The following CLASP2 variants were observed in gnomAD, a reference collection of about 807,000 sequenced individuals.
CLASP2 encodes the protein CLIP-associating protein 2.
CLASP2 carries 47 observed loss-of-function variants against 194.4 expected under a neutral mutation model. That is an observed-to-expected ratio of 0.24 (90% CI 0.19 to 0.31). The LOEUF is 0.31. Ranked by LOEUF, CLASP2 falls within the 10% of genes least tolerant of loss-of-function variation. The pLI is 1.00. For missense variants in CLASP2, 1,445 were observed against 1,823.6 expected (o/e 0.79, Z 3.78); for synonymous variants, 619 against 633.5 (o/e 0.98, Z 0.34).
At chr3:33,548,811 A>T (rs1463327454) in intron 30 of CLASP2, among the ~76,000 whole-genome samples, 1 of 127,592 alleles carries the variant, frequency 7.8e-6, no homozygotes, top group Non-Finnish European at 1.5e-5. Flanking sequence ...ACTATCATCC[A>T]GGCTGGAGTA....
chr3:33,599,004 G>A (rs1253702036), intron 18 of CLASP2, among the ~76,000 whole-genome samples: 1 of 152,086 alleles, frequency 6.6e-6, no homozygotes, highest in Non-Finnish European at 1.5e-5. Flanking sequence ...GCTTTAAGAA[G>A]GAATGCTCTG....
At chr3:33,551,448 C>T in intron 29 of CLASP2, 53 bp from the exon 30 acceptor site, 1 of 1,521,482 alleles carries the variant, frequency 6.6e-7, no homozygotes. Context: ...TTGTGAGACA[C>T]TAGAGAACAT....
In CLASP2 at chr3:33,695,063, GT is replaced by G. The variant is rs373103110; in HGVS notation, c.274+1791del. Among the ~76,000 whole-genome samples, 1,089 of 140,232 alleles carry G rather than the reference GT, an allele frequency of 7.8e-3. 5 individuals are homozygous for G. The highest frequency in any genetic ancestry group is 0.014 in the African/African-American group (531 of 38,458). 92.0% of individuals were successfully genotyped at this position (140,232 alleles called of 152,430 possible). A position where few individuals can be genotyped will look rare whatever the true frequency, so the allele number is the denominator to read the frequency against. On this transcript the variant is annotated intron_variant, in intron 2 of 38. Coordinates refer to ENST00000682230, the MANE Select transcript of CLASP2 (RefSeq NM_001365631.1). ...AGAGCAGTTTTCAATATCTACTATA[GT>G]TTTTTTTTTTTTTTTAAAGAGATAG...
chr3:33,613,658 C>G (rs1011730863), intron 12 of CLASP2, among the ~76,000 whole-genome samples: 2 of 152,204 alleles, frequency 1.3e-5, no homozygotes, highest in Non-Finnish European at 2.9e-5. Flanking sequence ...GCTGACATGC[C>G]TGTTAGTCAA....
At chr3:33,579,577 G>A (rs568177948) in intron 23 of CLASP2, among the ~76,000 whole-genome samples, 1 of 152,254 alleles carries the variant, frequency 6.6e-6, no homozygotes, top group East Asian at 1.9e-4. Flanking sequence ...GAGTTTCAGG[G>A]GGAAGAGGTA....
intron 7 of CLASP2, among the ~76,000 whole-genome samples, chr3:33,652,378 A>G (rs1162497931): frequency 1.3e-5 from 2 of 152,180 alleles, no homozygotes; most frequent in African/African-American, 4.8e-5. Context: ...TAATCCCTAT[A>G]AACTATTATA....
At chr3:33,503,175 G>A (rs1348037789) in intron 37 of CLASP2, 1 of 152,116 alleles carries the variant, frequency 6.6e-6, no homozygotes, top group African/African-American at 2.4e-5. Flanking sequence ...GCAGAATGAG[G>A]TATTATGGGC....
At position 33,696,818 on chromosome 3, in the gene CLASP2, T is replaced by C. The variant is rs763733264; in HGVS notation, c.274+37A>G. 6.9e-6 allele frequency: 9 copies of C among 1,298,078 alleles called. No homozygotes were observed. In the Admixed American group the frequency reaches 1.2e-4, roughly 18 times the overall value. 80.4% of individuals were successfully genotyped at this position (1,298,078 alleles called of 1,614,324 possible). ...TAACGAAAAAAGTCATCATGTCAAA[T>C]CTTATTTAGAATTGTAAATAAACAA... On this transcript the variant is annotated intron_variant, in intron 2 of 38. Coordinates refer to ENST00000682230, the MANE Select transcript of CLASP2 (RefSeq NM_001365631.1).
intron 10 of CLASP2, among the ~76,000 whole-genome samples, chr3:33,623,455 A>G (rs2077452400): frequency 1.3e-5 from 2 of 151,388 alleles, no homozygotes; most frequent in South Asian, 2.1e-4. Context: ...CATGGTAACC[A>G]TTATTCTACT....
At chr3:33,656,153 A>C (rs138682413) in intron 7 of CLASP2, among the ~76,000 whole-genome samples, 1 of 152,326 alleles carries the variant, frequency 6.6e-6, no homozygotes, top group East Asian at 1.9e-4. Context: ...CCCTCAATTC[A>C]TAAGTGAAAG....
intron 1 of CLASP2, among the ~76,000 whole-genome samples, chr3:33,717,429 A>T (rs577055198): frequency 1.3e-5 from 2 of 151,476 alleles, no homozygotes; most frequent in African/African-American, 4.8e-5. Context: ...ATTTTTATTT[A>T]TTTTTTACTT....
rs985741957 is a variant in CLASP2, at chr3:33,718,024, T to C, written c.-22A>G. Reference sequence around the variant, plus strand: ...CCATGGCTGCGGCCGCCCGCCCGCCTGCCAGTCTGTGAGCGGCCAACTTTC... The same window carrying C: ...CCATGGCTGCGGCCGCCCGCCCGCCCGCCAGTCTGTGAGCGGCCAACTTTC... On this transcript the variant is annotated 5_prime_UTR_variant, in exon 1 of 39. Coordinates refer to ENST00000682230, the MANE Select transcript of CLASP2 (RefSeq NM_001365631.1). The C allele has an allele frequency of 4.1e-6, 6 of 1,459,134 alleles. No individual in the cohort carries two copies. The highest frequency in any genetic ancestry group is 2.9e-5 in the African/African-American group (2 of 68,684). The allele number at this position is 1,459,134 out of a possible 1,614,324, so 90.4% of individuals were successfully genotyped here.
rs1577048022 is a variant in CLASP2 at position 33,602,319 on chromosome 3, G to A, written c.1924+633C>T. 14 of 528,082 alleles carry A rather than the reference G, an allele frequency of 2.7e-5. No individual in the cohort carries two copies. In the East Asian group the frequency reaches 4.4e-4, roughly 16 times the overall value. The allele number at this position is 528,082 out of a possible 1,614,324, so 32.7% of individuals were successfully genotyped here. On this transcript the variant is annotated intron_variant, in intron 18 of 38. Coordinates refer to ENST00000682230, the MANE Select transcript of CLASP2 (RefSeq NM_001365631.1). ...GGTGCTCAAAAAGTTTCAGATTTTG[G>A]AGCATTTCAGATTTCAGATTTTTAG...
At chr3:33,696,005 G>GT (rs1397889409) in intron 2 of CLASP2, among the ~76,000 whole-genome samples, 1 of 152,108 alleles carries the variant, frequency 6.6e-6, no homozygotes, top group Non-Finnish European at 1.5e-5. Flanking sequence ...CAAACACACT[G>GT]TAAGTAAGTG....
chr3:33,682,540 T>C (rs2090012457), intron 6 of CLASP2, among the ~76,000 whole-genome samples: 1 of 152,138 alleles, frequency 6.6e-6, no homozygotes, highest in Non-Finnish European at 1.5e-5. Flanking sequence ...AAAATTCCTT[T>C]AGTGAATGCC....
intron 6 of CLASP2, among the ~76,000 whole-genome samples, chr3:33,676,261 C>A (rs1177336448): frequency 4.0e-5 from 6 of 149,890 alleles, no homozygotes; most frequent in Admixed American, 6.6e-5. Flanking sequence ...CAGAACAGAG[C>A]CCTCAGAAAT....
chr3:33,555,367 T>A (rs2060736352), intron 29 of CLASP2, among the ~76,000 whole-genome samples: 1 of 66,592 alleles, frequency 1.5e-5, no homozygotes, highest in Admixed American at 2.1e-4. Flanking sequence ...AATATTCTGA[T>A]TTTTTTTTTT....
At chr3:33,600,002 A>G (rs2071583368) in intron 18 of CLASP2, among the ~76,000 whole-genome samples, 1 of 152,224 alleles carries the variant, frequency 6.6e-6, no homozygotes, top group South Asian at 2.1e-4. Context: ...TCTAGTGCAC[A>G]TTAAAGCACT....
At chr3:33,516,944 G>GA in intron 35 of CLASP2, 37 bp downstream of exon 35, 1 of 1,539,858 alleles carries the variant, frequency 6.5e-7, no homozygotes, top group African/African-American at 1.4e-5. Flanking sequence ...AAAGAGACAG[G>GA]AAGGAAAGGC....
Sources: gnomAD v4.1 joint callset for allele counts (sites outside exome capture counted in the v4.1 genomes callset) on GRCh38, gnomAD v4.1.1 for gene constraint, MANE v1.5 for transcripts, NCBI Gene and HGNC (gene_info 2026-07-23, HGNC 2026-07-21) for gene names.